Variants in MED16 observed in about 807,000 individuals in gnomAD.
The protein encoded by MED16 is mediator of RNA polymerase II transcription subunit 16.
Under a neutral mutation model 84.4 loss-of-function variants are expected in MED16, and 81 were observed. The observed-to-expected ratio is 0.96, with a 90% CI of 0.80 to 1.15. The LOEUF is 1.15. Ranked by LOEUF, MED16 falls within the 50% of genes most tolerant of loss-of-function variation. The probability of loss-of-function intolerance (pLI) is 0.00; values close to 1 mark genes in which losing one functional copy is unlikely to be tolerated. For synonymous variants in MED16, 897 were observed against 552.2 expected, an observed-to-expected ratio of 1.62 and a Z score of -8.76; for missense variants, 1,585 against 1,245.9, an observed-to-expected ratio of 1.27 and a Z score of -4.10.
chr19:883,941 T>C (rs1394205598), intron 6 of MED16, among the ~76,000 whole-genome samples: 2 of 152,094 alleles, frequency 1.3e-5, no homozygotes, highest in African/African-American at 4.8e-5. Flanking sequence ...GGTGACTCAC[T>C]ACAAGCCCTG....
At chr19:871,677 G>T in intron 12 of MED16, 3 of 1,559,086 alleles carry the variant, frequency 1.9e-6, no homozygotes, top group Non-Finnish European at 2.6e-6. Context: ...GGAAATAGCA[G>T]ATATCAAGGC....
chr19:877,421 A>G (rs1443333541), intron 8 of MED16, among the ~76,000 whole-genome samples: 1 of 152,132 alleles, frequency 6.6e-6, no homozygotes, highest in Non-Finnish European at 1.5e-5. Flanking sequence ...ATGCCGAGCC[A>G]GGCTTACACT....
chr19:868,547 C>G (rs1159163768), intron 14 of MED16, 48 bp from the exon 15 acceptor site: 11 of 1,596,280 alleles, frequency 6.9e-6, no homozygotes, highest in Non-Finnish European at 9.3e-6. Flanking sequence ...AGGCGGGCCT[C>G]CCTTACGCCT....
At chr19:888,370 A>G (rs2036565191) in intron 4 of MED16, among the ~76,000 whole-genome samples, 1 of 151,370 alleles carries the variant, frequency 6.6e-6, no homozygotes, top group East Asian at 1.9e-4. Flanking sequence ...AAAAAATTAC[A>G]AAAATTAGCC....
chr19:868,241 C>T lies in MED16; in HGVS notation c.2494G>A (p.Gly832Ser). 2 of 1,595,900 alleles carry T rather than the reference C, an allele frequency of 1.3e-6. No homozygotes were observed. The highest frequency in any genetic ancestry group is 1.7e-6 in the Non-Finnish European group (2 of 1,172,068). Reference sequence around the variant, plus strand: ...GTCACGCAGGCGTCCGGCCCACGGCCTTCAACAGCCCTGCAGGGCGGGCTG... The same window carrying T: ...GTCACGCAGGCGTCCGGCCCACGGCTTTCAACAGCCCTGCAGGGCGGGCTG... ...RWIKNCLAVEGRGPDACVTSR... is the reference protein window; with the variant it reads ...RWIKNCLAVESRGPDACVTSR... Residue 832 changes from glycine (G) to serine (S), a missense_variant, in exon 16 of 16, where the codon GGC (glycine) becomes AGC (serine). Transcript: ENST00000325464.
chr19:876,741 G>A (rs1030071160), intron 9 of MED16, among the ~76,000 whole-genome samples: 3 of 151,990 alleles, frequency 2.0e-5, no homozygotes, highest in Non-Finnish European at 4.4e-5. Flanking sequence ...CATCTGCCGT[G>A]GGGACCTCTA....
rs752859155 is a variant in MED16 at position 868,822 on chromosome 19, C to A, written c.2399+41G>T. 4 of 1,525,798 alleles carry A rather than the reference C, an allele frequency of 2.6e-6. No individual in the cohort carries two copies. The South Asian group carries it at 3.6e-5, about 14-fold the overall frequency. The allele number at this position is 1,525,798 out of a possible 1,614,324, so 94.5% of individuals were successfully genotyped here. ...CTAGAATCAGCTGAGCCATCCCCAG[C>A]GGCACATCTCTGGGAGTCAGCGGTT... is the stretch of plus-strand genomic sequence containing the variant. On this transcript the variant is annotated intron_variant, in intron 14 of 15. Transcript: ENST00000325464.
chr19:891,443 C>T (rs566432757), intron 1 of MED16, among the ~76,000 whole-genome samples: 19 of 152,298 alleles, frequency 1.2e-4, no homozygotes, highest in African/African-American at 2.4e-4. Context: ...ACCATGGGGG[C>T]CAAGGGCACA....
chr19:875,166 A>C (rs2036199800), intron 10 of MED16, 78 bp downstream of exon 10: 3 of 1,042,018 alleles, frequency 2.9e-6, no homozygotes, highest in Middle Eastern at 3.3e-4. Context: ...CCTATCTCAA[A>C]AGAGTAAAAA....
chr19:873,177 A>C, intron 11 of MED16: 1 of 458,242 alleles, frequency 2.2e-6, no homozygotes, highest in Non-Finnish European at 3.7e-6. Context: ...CAGGGCTAGG[A>C]AGTGGGGCAG....
chr19:870,058 C>T (rs1467974560), intron 13 of MED16, among the ~76,000 whole-genome samples: 1 of 152,152 alleles, frequency 6.6e-6, no homozygotes, highest in East Asian at 1.9e-4. Flanking sequence ...AGAGAAAGGC[C>T]AGCCCCGGGC....
In MED16 at chr19:871,075, A is replaced by G; in HGVS notation, c.2277T>C (p.Pro759=). The G allele has an allele frequency of 6.5e-7, 1 of 1,547,282 alleles. No individual in the cohort carries two copies. Among genetic ancestry groups the G allele is most frequent in the Non-Finnish European group, 8.7e-7 (1 of 1,145,178 alleles). The stretch of plus-strand genomic sequence containing the variant: ...CGAGCTGCAGGGTGGCAGCACTGCC[A>G]GGCAGCGTGGGCGCCCGGCCAAACT... ...RLQFGRAPTL[P]GSAATLQLDG... The change falls in exon 13 of 16, where the codon CCT becomes CCC. Residue 759 remains proline (P), a synonymous_variant. Transcript: ENST00000325464.
At chr19:879,070 A>G (rs1599331154) in intron 8 of MED16, among the ~76,000 whole-genome samples, 1 of 61,574 alleles carries the variant, frequency 1.6e-5, no homozygotes, top group African/African-American at 6.4e-5. Context: ...CACCAGCCCC[A>G]GCCCCAGCCC....
At chr19:874,968 G>C (rs1363546904) in intron 10 of MED16, among the ~76,000 whole-genome samples, 2 of 151,244 alleles carry the variant, frequency 1.3e-5, no homozygotes, top group Non-Finnish European at 2.9e-5. Context: ...TTCGAGACCA[G>C]CCTGGCCAAC....
At chr19:876,146 TC>T (rs898979999) in intron 9 of MED16, among the ~76,000 whole-genome samples, 15 of 151,980 alleles carry the variant, frequency 9.9e-5, no homozygotes, top group Admixed American at 1.3e-4. Flanking sequence ...ATTTTTTTTT[TC>T]CCATTTTATC....
At position 890,231 on chromosome 19, in the gene MED16, C is replaced by A. The variant is rs1444129599; in HGVS notation, c.183G>T (p.Met61Ile). The A allele has an allele frequency of 3.9e-6, 6 of 1,550,954 alleles. No homozygotes were observed. The highest frequency in any genetic ancestry group is 2.4e-5 in the East Asian group (1 of 41,088). Residue 61 changes from methionine (M) to isoleucine (I), a missense_variant, in exon 3 of 16, where the codon ATG (methionine) becomes ATT (isoleucine). By Grantham distance (10) the Met-to-Ile change is conservative (BLOSUM62 1). Transcript: ENST00000325464. Reference sequence around the variant, plus strand: ...GGTGCTCCGTGTCCAGGATGTGGATCATGCGGGTCAGGTCTGTGGGGACGG... The same window carrying A: ...GGTGCTCCGTGTCCAGGATGTGGATAATGCGGGTCAGGTCTGTGGGGACGG... ...LRSDDQDLTR[M>I]IHILDTEHPW...
At chr19:877,281 T>C in intron 8 of MED16, 101 bp from the exon 9 acceptor site, 3 of 1,121,512 alleles carry the variant, frequency 2.7e-6, no homozygotes, top group Non-Finnish European at 3.8e-6. Flanking sequence ...TGTGGATCTG[T>C]GTGCGCGCAC....
chr19:886,328 T>C (rs1357771805), intron 4 of MED16, 127 bp from the exon 5 acceptor site: 3 of 803,394 alleles, frequency 3.7e-6, no homozygotes, highest in South Asian at 4.2e-5. Flanking sequence ...GTTCAGATCC[T>C]GACTCGGCCA....
chr19:871,581 A>T lies in MED16; in HGVS notation c.2099-328T>A, dbSNP rs370061734. ...ACCCTCCTCACATACACACAACCCG[A>T]CAAGGAGAGACAGCAAACAGGTGCC... On this transcript the variant is annotated intron_variant, in intron 12 of 15. Coordinates refer to ENST00000325464, the MANE Select transcript of MED16 (RefSeq NM_005481.3). The T allele has an allele frequency of 2.1e-5, 33 of 1,595,264 alleles. No individual in the cohort carries two copies. In the African/African-American group the frequency reaches 4.0e-4, roughly 19 times the overall value.
Sources: gnomAD v4.1 joint callset for allele counts (sites outside exome capture counted in the v4.1 genomes callset) on GRCh38, gnomAD v4.1.1 for gene constraint, MANE v1.5 for transcripts, NCBI Gene and HGNC (gene_info 2026-07-23, HGNC 2026-07-21) for gene names.